CSMD1: variants seen among roughly 807,000 people sequenced by gnomAD.
CSMD1 encodes CUB and sushi domain-containing protein 1.
A neutral mutation model predicts 417.5 loss-of-function variants in CSMD1; 213 were observed. That is an observed-to-expected ratio of 0.51 (90% CI 0.46 to 0.57). CSMD1 has a LOEUF of 0.57. Among genes scored for constraint, CSMD1 ranks in the 20% least tolerant of loss-of-function variants. The probability of loss-of-function intolerance (pLI) is 0.00; values close to 1 mark genes in which losing one functional copy is unlikely to be tolerated. For synonymous variants in CSMD1, 2,862 were observed against 1,736.8 expected (o/e 1.65, Z -16.11); for missense variants, 6,923 against 4,529.7 (o/e 1.53, Z -15.17).
At chr8:3,913,400 A>G (rs1002211064) in intron 5 of CSMD1, among the ~76,000 whole-genome samples, 1 of 152,152 alleles carries the variant, frequency 6.6e-6, no homozygotes, top group African/African-American at 2.4e-5. Context: ...CCAGACCAGA[A>G]GAAGCAAACC....
At chr8:3,924,371 T>C (rs2954610) in intron 5 of CSMD1, among the ~76,000 whole-genome samples, 79,276 of 151,924 alleles carry the variant, frequency 0.52, 21,029 homozygotes, top group East Asian at 0.73. Flanking sequence ...TCAAGCTGCA[T>C]TTAATTCATT....
At chr8:3,454,648 T>A (rs186772223) in intron 12 of CSMD1, among the ~76,000 whole-genome samples, 1 of 152,348 alleles carries the variant, frequency 6.6e-6, no homozygotes, top group East Asian at 1.9e-4. Context: ...GCCCCCACTC[T>A]CTTCTGGCTT....
chr8:3,545,632 C>T (rs1321288552), intron 10 of CSMD1, among the ~76,000 whole-genome samples: 1 of 152,168 alleles, frequency 6.6e-6, no homozygotes, highest in Non-Finnish European at 1.5e-5. Context: ...TTGAGCAATT[C>T]AGGTGCATCA....
intron 1 of CSMD1, among the ~76,000 whole-genome samples, chr8:4,971,286 A>C (rs1810221881): frequency 6.6e-6 from 1 of 152,066 alleles, no homozygotes; most frequent in South Asian, 2.1e-4. Context: ...TGCTCTCAAC[A>C]TGGATTTTCT....
At chr8:3,958,181 T>C (rs1447506325) in intron 5 of CSMD1, among the ~76,000 whole-genome samples, 2 of 152,196 alleles carry the variant, frequency 1.3e-5, no homozygotes, top group Non-Finnish European at 2.9e-5. Context: ...GAAATTATTA[T>C]TTTGGAGAAA....
intron 1 of CSMD1, among the ~76,000 whole-genome samples, chr8:4,661,419 A>G (rs887288369): frequency 6.6e-6 from 1 of 152,162 alleles, no homozygotes; most frequent in Non-Finnish European, 1.5e-5. Flanking sequence ...TTCGATTTTT[A>G]TAACATTTTT....
At chr8:4,434,516 T>C (rs559533503) in intron 2 of CSMD1, among the ~76,000 whole-genome samples, 1 of 152,254 alleles carries the variant, frequency 6.6e-6, no homozygotes, top group South Asian at 2.1e-4. Context: ...CCAGCAAAAT[T>C]GTCTGATGAA....
chr8:4,798,106 G>C (rs1040653132), intron 1 of CSMD1, among the ~76,000 whole-genome samples: 1 of 152,186 alleles, frequency 6.6e-6, no homozygotes, highest in Non-Finnish European at 1.5e-5. Flanking sequence ...TTGGCATGCT[G>C]TACCCAATAA....
intron 41 of CSMD1, among the ~76,000 whole-genome samples, chr8:3,119,293 C>G (rs1308180365): frequency 6.7e-6 from 1 of 148,350 alleles, no homozygotes; most frequent in Non-Finnish European, 1.5e-5. Context: ...TACTACCAGT[C>G]TGAGTACTCC....
intron 3 of CSMD1, among the ~76,000 whole-genome samples, chr8:4,150,123 G>A (rs1796491215): frequency 6.6e-6 from 1 of 152,160 alleles, no homozygotes; most frequent in East Asian, 1.9e-4. Flanking sequence ...TCCACATTGT[G>A]TATTTTAAGG....
At chr8:3,056,819 ATTT>A (rs1244458977) in intron 49 of CSMD1, among the ~76,000 whole-genome samples, 4 of 152,036 alleles carry the variant, frequency 2.6e-5, no homozygotes, top group African/African-American at 7.2e-5. Context: ...GTATTTAAGA[ATTT>A]TTTATTAAAA....
At chr8:2,946,644 A>G (rs959480993) in intron 68 of CSMD1, among the ~76,000 whole-genome samples, 1 of 152,152 alleles carries the variant, frequency 6.6e-6, no homozygotes, top group African/African-American at 2.4e-5. Context: ...TCATCCATTG[A>G]TAGACATTTT....
intron 3 of CSMD1, among the ~76,000 whole-genome samples, chr8:4,053,209 A>C (rs888429716): frequency 6.6e-6 from 1 of 152,230 alleles, no homozygotes; most frequent in African/African-American, 2.4e-5. Flanking sequence ...ACGTTATTAA[A>C]AAGTCACTAA....
intron 3 of CSMD1, among the ~76,000 whole-genome samples, chr8:4,182,736 T>C (rs572093220): frequency 2.9e-4 from 44 of 151,806 alleles, no homozygotes; most frequent in African/African-American, 8.8e-4. Context: ...ATATAAATAA[T>C]GGAACATCAT....
intron 5 of CSMD1, among the ~76,000 whole-genome samples, chr8:3,899,353 A>G (rs1807575292): frequency 6.6e-6 from 1 of 152,156 alleles, no homozygotes; most frequent in Admixed American, 6.5e-5. Context: ...TGCTGGACAG[A>G]TTCTCCGCCC....
chr8:4,229,791 A>C (rs1801597862), intron 3 of CSMD1, among the ~76,000 whole-genome samples: 1 of 151,334 alleles, frequency 6.6e-6, no homozygotes, highest in South Asian at 2.1e-4. Context: ...TTCATCACTC[A>C]CTCCTTCCTT....
intron 1 of CSMD1, chr8:4,788,373 C>T: frequency 2.1e-6 from 3 of 1,439,120 alleles, no homozygotes; most frequent in Admixed American, 1.9e-5. Flanking sequence ...TCCCCTCACA[C>T]CAGACTGGGG....
chr8:3,643,457 C>T (rs191194694), intron 7 of CSMD1, among the ~76,000 whole-genome samples: 1 of 151,976 alleles, frequency 6.6e-6, no homozygotes, highest in Non-Finnish European at 1.5e-5. Flanking sequence ...AATCCTAGCA[C>T]TTTGGGAGGC....
At chr8:3,291,933 A>G (rs1370900804) in intron 25 of CSMD1, among the ~76,000 whole-genome samples, 7 of 151,848 alleles carry the variant, frequency 4.6e-5, no homozygotes, top group Admixed American at 1.3e-4. Context: ...TGTCAATTTT[A>G]GATCTTTCCT....
Sources: gnomAD v4.1 joint callset for allele counts (sites outside exome capture counted in the v4.1 genomes callset) on GRCh38, gnomAD v4.1.1 for gene constraint, MANE v1.5 for transcripts, NCBI Gene and HGNC (gene_info 2026-07-23, HGNC 2026-07-21) for gene names.